Variants in ATAD3A observed in about 807,000 individuals in gnomAD.
ATAD3A encodes ATPase family AAA domain containing 3A, also known as ATPase family AAA domain-containing protein 3A.
A neutral mutation model predicts 73.8 loss-of-function variants in ATAD3A; 46 were observed. The observed-to-expected ratio is 0.62, with a 90% CI of 0.49 to 0.80. The LOEUF (loss-of-function observed/expected upper bound fraction) is 0.80. ATAD3A is among the 30% of genes least tolerant of loss of function. ATAD3A has a pLI of 0.00. For missense variants in ATAD3A, 705 were observed against 838.0 expected (o/e 0.84, Z 1.96); for synonymous variants, 319 against 350.0 (o/e 0.91, Z 0.99).
chr1:1,525,413 CTT>C (rs57929223), intron 12 of ATAD3A, 122 bp downstream of exon 12: 31,758 of 726,738 alleles, frequency 0.044, 79 homozygotes, highest in African/African-American at 0.089. Context: ...TGAAAAACAG[CTT>C]TTTTTTTTTT....
rs546329913 is a variant in ATAD3A at position 1,532,642 on chromosome 1, G to A, written c.1615-1284G>A. ...CCGTGCTTCCTGGAGGGGTGGCCCC[G>A]TGAGCATCTGCATAGCCCCTTTCCT... On this transcript the variant is annotated intron_variant, in intron 15 of 15. Transcript: ENST00000378756. Among the ~76,000 whole-genome samples, 10 of 152,304 alleles carry A rather than the reference G, an allele frequency of 6.6e-5. 1 individual carries two copies. The highest frequency in any genetic ancestry group is 1.9e-4 in the East Asian group (1 of 5,178).
chr1:1,523,760 C>T lies in ATAD3A; in HGVS notation c.964-79C>T. On this transcript the variant is annotated intron_variant, in intron 9 of 15. Transcript: ENST00000378756. The surrounding 1 kb of genome is among the most constrained non-coding windows in gnomAD (Gnocchi z 5.1). ...CTTCCCGAGGAGCCGAGTCTGCACC[C>T]AGGCATTCCCGCAGCCCCTTCCCCT... The T allele has an allele frequency of 2.5e-6, 4 of 1,604,800 alleles. No homozygotes were observed. Among genetic ancestry groups the T allele is most frequent in the South Asian group, 2.2e-5 (2 of 90,240 alleles).
intron 15 of ATAD3A, among the ~76,000 whole-genome samples, chr1:1,531,282 C>T (rs141337528): frequency 0.017 from 2,639 of 152,036 alleles, 73 homozygotes; most frequent in African/African-American, 0.06. Flanking sequence ...GAAACCCCAT[C>T]TCTACTAAAA....
intron 15 of ATAD3A, among the ~76,000 whole-genome samples, chr1:1,533,340 T>C (rs1642099490): frequency 6.6e-6 from 1 of 152,140 alleles, no homozygotes; most frequent in African/African-American, 2.4e-5. Flanking sequence ...AGTGACCCGT[T>C]CATTGCAGAA....
chr1:1,528,043 T>G (rs532324216), intron 14 of ATAD3A, among the ~76,000 whole-genome samples, 181 bp downstream of exon 14: 28 of 150,004 alleles, frequency 1.9e-4, no homozygotes, highest in African/African-American at 6.9e-4. Context: ...GACTGCAACC[T>G]CTGCCTCCCG....
At position 1,523,467 on chromosome 1, in the gene ATAD3A, C is replaced by T. The variant is rs1570341043; in HGVS notation, c.907-44C>T. 3 of 1,601,456 alleles carry T rather than the reference C, an allele frequency of 1.9e-6. No homozygotes were observed. The highest frequency in any genetic ancestry group is 2.6e-6 in the Non-Finnish European group (3 of 1,174,428). On this transcript the variant is annotated intron_variant, in intron 8 of 15. Coordinates refer to ENST00000378756, the MANE Select transcript of ATAD3A (RefSeq NM_001170535.3). The surrounding 1 kb of genome is among the most constrained non-coding windows in gnomAD (Gnocchi z 5.1). Reference sequence around the variant, plus strand: ...GTGCGCGTTGGTGGCTGTTCCGTGGCTGTGGCAGGTGACCCGATGGCGCTT... The same window carrying T: ...GTGCGCGTTGGTGGCTGTTCCGTGGTTGTGGCAGGTGACCCGATGGCGCTT...
chr1:1,528,178 G>A (rs114845849), intron 14 of ATAD3A, among the ~76,000 whole-genome samples: 3,313 of 152,042 alleles, frequency 0.022, 61 homozygotes, highest in Non-Finnish European at 0.027. Flanking sequence ...GGCCAGGTTC[G>A]TCTCAAACTC....
In ATAD3A at chr1:1,533,961, C is replaced by G. The variant is rs141883472; in HGVS notation, c.1650C>G (p.Thr550=). ...ATGCCTCCGAGGACGGGGTCCTGACCGAGGCCATGATGGACACCCGCGTGC... is the reference window on the plus strand; with the variant it reads ...ATGCCTCCGAGGACGGGGTCCTGACGGAGGCCATGATGGACACCCGCGTGC... The part of the protein sequence containing the change: ...TAYASEDGVL[T]EAMMDTRVQD... Residue 550 remains threonine, a synonymous_variant, in exon 16 of 16, where the codon ACC becomes ACG. Coordinates refer to ENST00000378756, the MANE Select transcript of ATAD3A (RefSeq NM_001170535.3). 2 of 1,613,272 alleles carry G rather than the reference C, an allele frequency of 1.2e-6. No homozygotes were observed. The highest frequency in any genetic ancestry group is 1.3e-5 in the African/African-American group (1 of 74,824).
chr1:1,524,359 G>A lies in ATAD3A; in HGVS notation c.1176G>A (p.Met392Ile). ...TGGGGCGGGAAGGCGTGACCGCCAT[G>A]CACAAGCTCTTTGACTGGGCCAATA... ...APMGREGVTA[M>I]HKLFDWANTS... The change falls in exon 11 of 16, where the codon ATG becomes ATA. Residue 392 changes from methionine (M) to isoleucine (I), a missense_variant. Met to Ile is a conservative substitution (Grantham distance 10). Around this residue, in one of 5 missense-constraint regions of ATAD3A, gnomAD observed 252 missense variants for 278.5 expected, o/e 0.90. Coordinates refer to ENST00000378756, the MANE Select transcript of ATAD3A (RefSeq NM_001170535.3). The A allele has an allele frequency of 1.2e-6, 2 of 1,611,094 alleles. No homozygotes were observed. Among genetic ancestry groups the A allele is most frequent in the Non-Finnish European group, 8.5e-7 (1 of 1,178,764 alleles).
intron 2 of ATAD3A, 118 bp from the exon 3 acceptor site, chr1:1,517,193 G>T: frequency 1.3e-6 from 2 of 1,546,980 alleles, no homozygotes; most frequent in Non-Finnish European, 8.7e-7. Flanking sequence ...TGAGCCTGCT[G>T]CACACACTAG....
chr1:1,523,993 C>G lies in ATAD3A; in HGVS notation c.1089+29C>G, dbSNP rs868242060. 3 of 1,613,374 alleles carry G rather than the reference C, an allele frequency of 1.9e-6. No individual in the cohort carries two copies. The highest frequency in any genetic ancestry group is 2.5e-6 in the Non-Finnish European group (3 of 1,179,956). ...AGAGCGCCTGGCTGAACAGGTGGGCCAGGGGCCGCTGGGGTCTCACCTGCC... is the reference window on the plus strand; with the variant it reads ...AGAGCGCCTGGCTGAACAGGTGGGCGAGGGGCCGCTGGGGTCTCACCTGCC... On this transcript the variant is annotated intron_variant, in intron 10 of 15. Transcript: ENST00000378756. This position sits in a 1 kb window ranked among gnomAD's most constrained non-coding sequence, Gnocchi z 5.1.
rs1641844551 is a variant in ATAD3A, at chr1:1,526,395, C to T, written c.1267-66C>T. 1.0e-5 allele frequency: 16 copies of T among 1,561,170 alleles called. No individual in the cohort carries two copies. The South Asian group carries it at 1.9e-4, about 18-fold the overall frequency. ...CCCTGCAGGAGGGAGGCCTGTGGGA[C>T]TTTCTGCTGTGGCTGTTTACAAGGC... is the stretch of plus-strand genomic sequence containing the variant. On this transcript the variant is annotated intron_variant, in intron 12 of 15. Coordinates refer to ENST00000378756, the MANE Select transcript of ATAD3A (RefSeq NM_001170535.3).
chr1:1,515,523 G>A (rs1641326922), intron 1 of ATAD3A, among the ~76,000 whole-genome samples: 1 of 152,090 alleles, frequency 6.6e-6, no homozygotes. Flanking sequence ...TCCCCTCTAG[G>A]AACAAAACGT....
chr1:1,513,155 CGG>C (rs1557453265), intron 1 of ATAD3A, among the ~76,000 whole-genome samples: 2 of 152,202 alleles, frequency 1.3e-5, no homozygotes, highest in Non-Finnish European at 2.9e-5. Context: ...TGGCCTTCCT[CGG>C]TAATTTTAAC....
chr1:1,526,021 T>C (rs909992024), intron 12 of ATAD3A, among the ~76,000 whole-genome samples: 3 of 151,060 alleles, frequency 2.0e-5, no homozygotes, highest in Non-Finnish European at 4.4e-5. Flanking sequence ...CTTTCTTTTC[T>C]TTTTCTTTTT....
chr1:1,526,608 G>A (rs1641857309), intron 13 of ATAD3A, 77 bp downstream of exon 13: 5 of 1,605,344 alleles, frequency 3.1e-6, no homozygotes, highest in Admixed American at 1.7e-5. Flanking sequence ...CGAGGGACCT[G>A]AGGGGCCCTG....
At chr1:1,533,814 C>G (rs551978606) in intron 15 of ATAD3A, 112 bp from the exon 16 acceptor site, 16,706 of 1,382,818 alleles carry the variant, frequency 0.012, 150 homozygotes, top group Non-Finnish European at 0.014. Flanking sequence ...GTTTCACGCT[C>G]AGGCCATCCT....
At chr1:1,518,380 C>G (rs1641446030) in intron 4 of ATAD3A, among the ~76,000 whole-genome samples, 1 of 147,384 alleles carries the variant, frequency 6.8e-6, no homozygotes, top group Non-Finnish European at 1.5e-5. Context: ...CACACAGGCG[C>G]ACACCCACAC....
Position 1,512,437 on chromosome 1 carries a change from C to G in ATAD3A, c.169C>G (p.Arg57Gly). Reference protein sequence around the residue: ...WSNFDPTGLERAAKAARELEH... With the variant: ...WSNFDPTGLEGAAKAARELEH... ...CAACTTCGACCCCACCGGCCTGGAG[C>G]GCGCCGCCAAGGCGGCGCGCGAGCT... The change falls in exon 1 of 16, where the codon CGC becomes GGC. Residue 57 changes from arginine to glycine, a missense_variant. This residue lies in a region of ATAD3A where 125 missense variants were observed against 170.6 expected (regional missense o/e 0.73). Transcript: ENST00000378756. The G allele has an allele frequency of 8.2e-7, 1 of 1,217,818 alleles. No homozygotes were observed. The allele number at this position is 1,217,818 out of a possible 1,614,324, so 75.4% of individuals were successfully genotyped here.
Sources: gnomAD v4.1 joint callset for allele counts (sites outside exome capture counted in the v4.1 genomes callset) on GRCh38, gnomAD v4.1.1 for gene constraint, gnomAD v4.1.1 regional missense constraint, Gnocchi (gnomAD v3.1) non-coding constraint, MANE v1.5 for transcripts, NCBI Gene and HGNC (gene_info 2026-07-23, HGNC 2026-07-21) for gene names.